AATF: variants seen among roughly 807,000 people sequenced by gnomAD.
The protein encoded by AATF is protein AATF.
A neutral mutation model predicts 63.7 loss-of-function variants in AATF; 48 were observed. That is an observed-to-expected ratio of 0.75 (90% CI 0.60 to 0.96). AATF has a LOEUF of 0.96. Among genes scored for constraint, AATF ranks in the 40% least tolerant of loss-of-function variants. The pLI is 0.00. For synonymous variants in AATF, 258 were observed against 247.7 expected (o/e 1.04, Z -0.39); for missense variants, 639 against 685.7 (o/e 0.93, Z 0.76).
chr17:37,037,993 G>A (rs1176885445), intron 11 of AATF, among the ~76,000 whole-genome samples: 3 of 152,158 alleles, frequency 2.0e-5, no homozygotes, highest in African/African-American at 4.8e-5. Flanking sequence ...TAAGCTTCCA[G>A]AGGCCTCATC....
intron 2 of AATF, among the ~76,000 whole-genome samples, chr17:36,950,856 A>G (rs2070849631): frequency 2.0e-5 from 3 of 152,216 alleles, no homozygotes; most frequent in Admixed American, 6.5e-5. Flanking sequence ...GGCTCACCCT[A>G]CAGTGGAGTG....
At chr17:36,966,530 A>C (rs2070992659) in intron 4 of AATF, among the ~76,000 whole-genome samples, 1 of 152,104 alleles carries the variant, frequency 6.6e-6, no homozygotes, top group Non-Finnish European at 1.5e-5. Context: ...AGCCTCCCAA[A>C]ATGCTGGGAT....
chr17:36,949,852 G>A (rs904703364), intron 1 of AATF, among the ~76,000 whole-genome samples: 5 of 152,222 alleles, frequency 3.3e-5, no homozygotes, highest in Non-Finnish European at 4.4e-5. Flanking sequence ...AGAAACTCGG[G>A]ACTGTTTAGC....
intron 11 of AATF, among the ~76,000 whole-genome samples, chr17:37,049,089 C>G (rs2071722934): frequency 6.6e-6 from 1 of 152,228 alleles, no homozygotes; most frequent in Non-Finnish European, 1.5e-5. Context: ...TTGTCACCAT[C>G]TTACTGATGA....
chr17:36,959,007 G>T (rs2070924617), intron 4 of AATF, among the ~76,000 whole-genome samples: 1 of 152,028 alleles, frequency 6.6e-6, no homozygotes, highest in Admixed American at 6.6e-5. Flanking sequence ...TTAGCTGGGT[G>T]TGGTGGCGGG....
intron 2 of AATF, among the ~76,000 whole-genome samples, chr17:36,952,360 TC>T (rs2070861921): frequency 6.6e-6 from 1 of 152,238 alleles, no homozygotes; most frequent in African/African-American, 2.4e-5. Flanking sequence ...AGTATTAAAT[TC>T]TATTTGCCTT....
chr17:36,980,995 G>C (rs1197349796), intron 4 of AATF, among the ~76,000 whole-genome samples: 1 of 149,884 alleles, frequency 6.7e-6, no homozygotes, highest in East Asian at 2.0e-4. Flanking sequence ...TGCTATCCCT[G>C]AATGGAGCCT....
At chr17:37,044,436 A>C (rs2071671851) in intron 11 of AATF, among the ~76,000 whole-genome samples, 1 of 152,104 alleles carries the variant, frequency 6.6e-6, no homozygotes, top group Non-Finnish European at 1.5e-5. Flanking sequence ...TTTTGGGGTC[A>C]TTTTTACTTA....
chr17:37,032,918 A>T (rs540665930), intron 11 of AATF, among the ~76,000 whole-genome samples: 1 of 152,230 alleles, frequency 6.6e-6, no homozygotes, highest in Non-Finnish European at 1.5e-5. Flanking sequence ...ATTTTTAAAC[A>T]TATTTACCAA....
At chr17:36,970,544 T>TTC (rs2071031578) in intron 4 of AATF, among the ~76,000 whole-genome samples, 1 of 116,462 alleles carries the variant, frequency 8.6e-6, no homozygotes, top group African/African-American at 2.6e-5. Flanking sequence ...CTTTTTTCTT[T>TTC]TTTTTTTTTT....
At chr17:37,042,606 C>T (rs968418629) in intron 11 of AATF, among the ~76,000 whole-genome samples, 8 of 143,818 alleles carry the variant, frequency 5.6e-5, no homozygotes, top group East Asian at 2.0e-4. Flanking sequence ...CCTGTAGAGA[C>T]GGGGTCTTGC....
intron 4 of AATF, among the ~76,000 whole-genome samples, chr17:36,955,998 A>G (rs2070896790): frequency 6.6e-6 from 1 of 152,166 alleles, no homozygotes; most frequent in African/African-American, 2.4e-5. Flanking sequence ...TCCTGGTTTC[A>G]AATGATCCTT....
At chr17:37,002,221 A>T (rs1159399184) in intron 8 of AATF, among the ~76,000 whole-genome samples, 3 of 147,414 alleles carry the variant, frequency 2.0e-5, no homozygotes, top group Non-Finnish European at 3.0e-5. Context: ...AAAAAAAAAA[A>T]TACTAAAGAA....
intron 10 of AATF, among the ~76,000 whole-genome samples, chr17:37,029,973 T>G (rs911941720): frequency 6.6e-6 from 1 of 152,192 alleles, no homozygotes; most frequent in Admixed American, 6.5e-5. Context: ...AGTGCTCAGG[T>G]TATAGGCATG....
At chr17:37,049,094 T>C (rs2071722954) in intron 11 of AATF, among the ~76,000 whole-genome samples, 1 of 152,150 alleles carries the variant, frequency 6.6e-6, no homozygotes, top group African/African-American at 2.4e-5. Context: ...ACCATCTTAC[T>C]GATGAGGAAG....
At chr17:37,034,332 G>A (rs2071573954) in intron 11 of AATF, among the ~76,000 whole-genome samples, 1 of 152,124 alleles carries the variant, frequency 6.6e-6, no homozygotes, top group African/African-American at 2.4e-5. Context: ...TTTATCTTAA[G>A]TAAGAAGGAA....
At chr17:37,042,187 C>A (rs1363865301) in intron 11 of AATF, among the ~76,000 whole-genome samples, 1 of 151,890 alleles carries the variant, frequency 6.6e-6, no homozygotes, top group Non-Finnish European at 1.5e-5. Flanking sequence ...TACTTTTTAA[C>A]CTGATTAAAT....
At chr17:37,023,641 A>T (rs552386151) in intron 10 of AATF, among the ~76,000 whole-genome samples, 2 of 147,810 alleles carry the variant, frequency 1.4e-5, no homozygotes, top group East Asian at 4.1e-4. Context: ...AAAAAGAGGC[A>T]TTCTTTTTAA....
chr17:37,051,512 C>T (rs745748459), intron 11 of AATF, among the ~76,000 whole-genome samples: 1 of 152,078 alleles, frequency 6.6e-6, no homozygotes, highest in Non-Finnish European at 1.5e-5. Context: ...TATTTGGGTC[C>T]ACACATCGGT....
Sources: allele counts gnomAD v4.1 joint callset (sites outside exome capture counted in the v4.1 genomes callset), GRCh38; gene constraint gnomAD v4.1.1; transcripts MANE v1.5; gene names NCBI Gene and HGNC (gene_info 2026-07-23, HGNC 2026-07-21).